The following MACO1 variants were observed in gnomAD, a reference collection of about 807,000 sequenced individuals.
MACO1 encodes macoilin 1, also known as macoilin.
In MACO1, 14 loss-of-function variants were observed where a neutral mutation model predicts 78.7. The ratio of observed to expected loss-of-function variants is 0.18; its 90% CI spans 0.12 to 0.28. The LOEUF (loss-of-function observed/expected upper bound fraction) is 0.28, where lower values mean the gene tolerates loss of function less well. MACO1 is among the 10% of genes least tolerant of loss of function. The pLI is 1.00. For missense variants in MACO1, 501 were observed against 799.0 expected, an observed-to-expected ratio of 0.63 and a Z score of 4.50; for synonymous variants, 288 against 291.6, an observed-to-expected ratio of 0.99 and a Z score of 0.12.
intron 6 of MACO1, among the ~76,000 whole-genome samples, chr1:25,473,941 G>A (rs1011379994): frequency 4.1e-4 from 63 of 152,114 alleles, no homozygotes; most frequent in African/African-American, 1.4e-3. Flanking sequence ...ATTCAAAACA[G>A]AAACACAAAT....
rs746122669 is a variant in MACO1 at position 25,448,942 on chromosome 1, T to G, written c.349+8T>G. On this transcript the variant is annotated splice_region_variant and intron_variant, in intron 3 of 10. Coordinates refer to ENST00000374343, the MANE Select transcript of MACO1 (RefSeq NM_018202.6). ...AGTACGTATGGCACACAGGTAAGTC[T>G]TAATGATTTCTTAGATGGATAGAAA... 23 of 1,430,060 alleles carry G rather than the reference T, an allele frequency of 1.6e-5. No individual in the cohort carries two copies. The highest frequency in any genetic ancestry group is 2.1e-5 in the Non-Finnish European group (23 of 1,074,698). The allele number at this position is 1,430,060 out of a possible 1,614,324, so 88.6% of individuals were successfully genotyped here. A position where few individuals can be genotyped will look rare whatever the true frequency, so the allele number is the denominator to read the frequency against.
At chr1:25,456,630 TG>T (rs755845787) in intron 4 of MACO1, 22 bp from the exon 5 acceptor site, 1 of 1,605,236 alleles carries the variant, frequency 6.2e-7, no homozygotes, top group Non-Finnish European at 8.5e-7. Flanking sequence ...CTACAATTAC[TG>T]GCTGGATTGT....
At chr1:25,488,265 T>G (rs1211538048) in intron 8 of MACO1, among the ~76,000 whole-genome samples, 1 of 152,124 alleles carries the variant, frequency 6.6e-6, no homozygotes, top group African/African-American at 2.4e-5. Context: ...TTGCCCAGGC[T>G]GATCTCAGAC....
chr1:25,455,774 CAG>C (rs1398705513), intron 4 of MACO1, among the ~76,000 whole-genome samples: 2 of 152,164 alleles, frequency 1.3e-5, no homozygotes, highest in East Asian at 3.8e-4. Flanking sequence ...TTATATATGA[CAG>C]AGTGTTTGTG....
At chr1:25,467,199 A>G (rs547712628) in intron 6 of MACO1, among the ~76,000 whole-genome samples, 40 of 152,302 alleles carry the variant, frequency 2.6e-4, no homozygotes, top group African/African-American at 9.1e-4. Flanking sequence ...CAGAGGTTGC[A>G]GTAAGCCAAG....
intron 1 of MACO1, among the ~76,000 whole-genome samples, chr1:25,432,813 A>G (rs2042887632): frequency 6.6e-6 from 1 of 152,218 alleles, no homozygotes; most frequent in African/African-American, 2.4e-5. Flanking sequence ...ACCTCCATTT[A>G]TAGCAAGAAG....
intron 1 of MACO1, among the ~76,000 whole-genome samples, chr1:25,441,275 C>A (rs2042969768): frequency 6.6e-6 from 1 of 151,944 alleles, no homozygotes; most frequent in Admixed American, 6.6e-5. Context: ...ACTGTAACCT[C>A]CACCTCCTGG....
chr1:25,442,434 A>G (rs906353075), intron 1 of MACO1, among the ~76,000 whole-genome samples: 1 of 152,214 alleles, frequency 6.6e-6, no homozygotes, highest in Non-Finnish European at 1.5e-5. Flanking sequence ...TCATTTCTGT[A>G]GTGAGGACCA....
chr1:25,450,378 A>G (rs561292009), intron 3 of MACO1, among the ~76,000 whole-genome samples: 3 of 152,226 alleles, frequency 2.0e-5, no homozygotes, highest in East Asian at 3.9e-4. Flanking sequence ...ATCAGATGAG[A>G]TATTTTGACA....
chr1:25,442,983 A>G (rs1181466858), intron 1 of MACO1, among the ~76,000 whole-genome samples: 1 of 152,248 alleles, frequency 6.6e-6, no homozygotes, highest in African/African-American at 2.4e-5. Flanking sequence ...CATGAGTCAT[A>G]TAATGAACTG....
chr1:25,464,923 C>G (rs982825563), intron 6 of MACO1, among the ~76,000 whole-genome samples: 1 of 151,896 alleles, frequency 6.6e-6, no homozygotes, highest in Non-Finnish European at 1.5e-5. Context: ...ATCCACCCAC[C>G]TCGGCCTCCC....
chr1:25,458,881 C>A lies in MACO1; in HGVS notation c.1143C>A (p.Asp381Glu). 6.2e-7 allele frequency: 1 copy of A among 1,612,910 alleles called. No homozygotes were observed. Among genetic ancestry groups the A allele is most frequent in the South Asian group, 1.1e-5 (1 of 90,958 alleles). Residue 381 changes from aspartate (D) to glutamate (E), a missense_variant, in exon 6 of 11, where the codon GAC becomes GAA. Physicochemically the swap from Asp to Glu is conservative, Grantham distance 45 (BLOSUM62 2). Transcript: ENST00000374343. ...CIPNNQLSKPDALVRLEQDIK... is the reference protein window; with the variant it reads ...CIPNNQLSKPEALVRLEQDIK... ...CTAATAACCAGCTAAGCAAACCAGA[C>A]GCACTGGTCAGGTAAGTGCACATGC...
At chr1:25,465,275 C>T (rs571041238) in intron 6 of MACO1, among the ~76,000 whole-genome samples, 43 of 152,088 alleles carry the variant, frequency 2.8e-4, no homozygotes, top group African/African-American at 8.0e-4. Context: ...ATCTATGTGC[C>T]GGTTTTGGGG....
chr1:25,487,154 CT>C (rs2043440715), intron 8 of MACO1, among the ~76,000 whole-genome samples: 1 of 152,014 alleles, frequency 6.6e-6, no homozygotes, highest in Non-Finnish European at 1.5e-5. Context: ...ATAACTTATT[CT>C]TTTTTTCCTT....
chr1:25,460,755 A>G (rs547599966), intron 6 of MACO1, among the ~76,000 whole-genome samples: 84 of 151,446 alleles, frequency 5.5e-4, no homozygotes, highest in African/African-American at 2.0e-3. Flanking sequence ...GCTGGAGATG[A>G]TGACATGGGT....
At chr1:25,471,667 G>T (rs763711998) in intron 6 of MACO1, among the ~76,000 whole-genome samples, 20 of 152,316 alleles carry the variant, frequency 1.3e-4, no homozygotes, top group Non-Finnish European at 2.4e-4. Context: ...AGGAAGCAGG[G>T]AGGGTGGCAC....
rs545728983 is a variant in MACO1, at chr1:25,461,078, G to A, written c.1154+2186G>A. 1.0e-3 allele frequency among the ~76,000 whole-genome samples: 153 copies of A among 151,936 alleles called. 2 individuals carry two copies. Among genetic ancestry groups the A allele is most frequent in the African/African-American group, 3.0e-3 (123 of 41,424 alleles). On this transcript the variant is annotated intron_variant, in intron 6 of 10. Coordinates refer to ENST00000374343, the MANE Select transcript of MACO1 (RefSeq NM_018202.6). ...CCTTTGTAGGGACATGGATGAAACTGGAAACCATCATTCTCAGCAAACTAT... is the reference window on the plus strand; with the variant it reads ...CCTTTGTAGGGACATGGATGAAACTAGAAACCATCATTCTCAGCAAACTAT...
chr1:25,444,986 A>G (rs1254022208), intron 1 of MACO1, among the ~76,000 whole-genome samples: 1 of 151,926 alleles, frequency 6.6e-6, no homozygotes, highest in Admixed American at 6.6e-5. Context: ...CTCTAGTGAA[A>G]TGAAACTAAA....
intron 3 of MACO1, among the ~76,000 whole-genome samples, chr1:25,451,087 C>T (rs2043061349): frequency 7.0e-6 from 1 of 143,140 alleles, no homozygotes; most frequent in Non-Finnish European, 1.5e-5. Flanking sequence ...CATCTTTAGC[C>T]CTAGGCTCAG....
Sources: allele counts gnomAD v4.1 joint callset (sites outside exome capture counted in the v4.1 genomes callset), GRCh38; gene constraint gnomAD v4.1.1; transcripts MANE v1.5; gene names NCBI Gene and HGNC (gene_info 2026-07-23, HGNC 2026-07-21).